Variants in ACSM6 observed in about 807,000 individuals in gnomAD.
The protein encoded by ACSM6 is acyl-coenzyme A synthetase ACSM6, mitochondrial.
ACSM6 carries 35 observed loss-of-function variants against 51.1 expected under a neutral mutation model. The ratio of observed to expected loss-of-function variants is 0.69; its 90% CI spans 0.52 to 0.91. The LOEUF (loss-of-function observed/expected upper bound fraction) is 0.91, where lower values mean the gene tolerates loss of function less well. ACSM6 is among the 40% of genes least tolerant of loss of function. ACSM6 has a pLI of 0.00. For missense variants in ACSM6, 509 were observed against 584.1 expected (o/e 0.87, Z 1.32); for synonymous variants, 172 against 207.3 (o/e 0.83, Z 1.46).
At chr10:95,195,952 T>G (rs574644618) in intron 2 of ACSM6, among the ~76,000 whole-genome samples, 1 of 151,436 alleles carries the variant, frequency 6.6e-6, no homozygotes, top group African/African-American at 2.4e-5. Flanking sequence ...CTGAAGGACT[T>G]TGGGGTGCTT....
intron 2 of ACSM6, 65 bp from the exon 3 acceptor site, chr10:95,201,920 A>G: frequency 7.1e-7 from 1 of 1,408,994 alleles, no homozygotes; most frequent in Non-Finnish European, 9.8e-7. Context: ...GTCTGGCAAC[A>G]GTGGCCTCCC....
chr10:95,194,664 C>A (rs866983928), exon 2 of ACSM6: 1 of 1,551,662 alleles, frequency 6.4e-7, no homozygotes, highest in African/African-American at 1.4e-5. Flanking sequence ...GATCAGTGGT[C>A]CCAGCTGGAA....
chr10:95,205,839 A>G lies in ACSM6; in HGVS notation c.404-1369A>G, dbSNP rs115620823. Among the ~76,000 whole-genome samples, 504 of 152,268 alleles carry G rather than the reference A, an allele frequency of 3.3e-3. 5 individuals are homozygous for G. The highest frequency in any genetic ancestry group is 0.011 in the African/African-American group (473 of 41,548). ...CCCACAATTGCACGGTTTCATATAT[A>G]TATACTCAATGCTAAAGGGTAACTT... is the stretch of plus-strand genomic sequence containing the variant. On this transcript the variant is annotated intron_variant, in intron 3 of 10. Coordinates refer to ENST00000341686, the Ensembl canonical transcript of ACSM6.
chr10:95,215,078 G>C (rs1360900288), intron 8 of ACSM6, 103 bp downstream of exon 8: 6 of 1,346,794 alleles, frequency 4.5e-6, no homozygotes, highest in Non-Finnish European at 4.0e-6. Context: ...ATGCACAACT[G>C]GATCTTAAGC....
chr10:95,207,316 T>C (rs750231601), exon 4 of ACSM6: 22 of 1,614,020 alleles, frequency 1.4e-5, no homozygotes, highest in Non-Finnish European at 1.9e-5. Flanking sequence ...ATGGCCCCAG[T>C]TGTAAACTCT....
chr10:95,198,602 G>C (rs994814837), intron 2 of ACSM6, among the ~76,000 whole-genome samples: 3 of 150,052 alleles, frequency 2.0e-5, no homozygotes, highest in Admixed American at 2.0e-4. Flanking sequence ...AGTGAGCTGA[G>C]ATCATGCCAC....
chr10:95,215,091 A>G, intron 8 of ACSM6, 116 bp downstream of exon 8: 1 of 1,257,862 alleles, frequency 8.0e-7, no homozygotes, highest in Non-Finnish European at 1.1e-6. Flanking sequence ...TCTTAAGCAC[A>G]GGAAGAGGAA....
intron 8 of ACSM6, among the ~76,000 whole-genome samples, chr10:95,215,667 G>A (rs1474093594): frequency 6.6e-6 from 1 of 152,236 alleles, no homozygotes; most frequent in Non-Finnish European, 1.5e-5. Flanking sequence ...TGTCAATGGA[G>A]CTGGAAGGAC....
chr10:95,215,461 T>A (rs2034935047), intron 8 of ACSM6, among the ~76,000 whole-genome samples: 2 of 152,120 alleles, frequency 1.3e-5, no homozygotes, highest in African/African-American at 4.8e-5. Context: ...AAAACACAGA[T>A]GAAAAGCATG....
At chr10:95,228,747 T>C (rs550316193) in exon 11 of ACSM6, 4 of 1,551,470 alleles carry the variant, frequency 2.6e-6, no homozygotes. Context: ...TCTGGTAGAG[T>C]TGATGATGTT....
chr10:95,215,325 GAAGA>G (rs1387112277), intron 8 of ACSM6, among the ~76,000 whole-genome samples: 1 of 152,164 alleles, frequency 6.6e-6, no homozygotes, highest in Non-Finnish European at 1.5e-5. Flanking sequence ...GCTGAAAATG[GAAGA>G]AAGAGTAGAT....
chr10:95,217,779 G>A (rs1475781591), intron 8 of ACSM6, among the ~76,000 whole-genome samples: 1 of 152,240 alleles, frequency 6.6e-6, no homozygotes, highest in Non-Finnish European at 1.5e-5. Context: ...GTGGAGCTAT[G>A]TAGTTCCATA....
chr10:95,212,951 A>T lies in ACSM6; in HGVS notation c.995+11A>T, dbSNP rs938400475. 1.3e-6 allele frequency: 2 copies of T among 1,592,612 alleles called. No individual in the cohort carries two copies. Among genetic ancestry groups the T allele is most frequent in the Admixed American group, 1.7e-5 (1 of 59,984 alleles). ...CAAGTGTTTCACCAGGTAAGAGAGG[A>T]TCCCTCAGGAGAGAGTCCATTTCCA... is the stretch of plus-strand genomic sequence containing the variant. On this transcript the variant is annotated intron_variant, in intron 7 of 10. Coordinates refer to ENST00000341686, the Ensembl canonical transcript of ACSM6.
chr10:95,220,487 T>A (rs2034986412), intron 9 of ACSM6, among the ~76,000 whole-genome samples: 1 of 152,212 alleles, frequency 6.6e-6, no homozygotes, highest in African/African-American at 2.4e-5. Flanking sequence ...TCTAGGATTT[T>A]ATTACATAAA....
chr10:95,216,507 G>A (rs935256546), intron 8 of ACSM6, among the ~76,000 whole-genome samples: 1 of 152,162 alleles, frequency 6.6e-6, no homozygotes, highest in Non-Finnish European at 1.5e-5. Context: ...TGAACCTCAT[G>A]CTGAAGGCCT....
rs1302994243 is a variant in ACSM6, at chr10:95,205,250, T to C, written c.404-1958T>C. On this transcript the variant is annotated intron_variant, in intron 3 of 10. Transcript: ENST00000341686. ...TTTCTTAAACCACCACAAAAGAAAT[T>C]TGAACACTGCCTTAGTCTGCTTGGG... Among the ~76,000 whole-genome samples the C allele has an allele frequency of 4.6e-5, 7 of 152,058 alleles. No individual in the cohort carries two copies. In the East Asian group the frequency reaches 1.2e-3, roughly 25 times the overall value.
intron 10 of ACSM6, among the ~76,000 whole-genome samples, chr10:95,227,565 T>C (rs2035050525): frequency 6.6e-6 from 1 of 152,210 alleles, no homozygotes; most frequent in African/African-American, 2.4e-5. Context: ...ACACTGAGAC[T>C]TTAAAATCAT....
rs1489640423 is a variant in ACSM6, at chr10:95,219,974, A to G, written c.1200+3A>G. The G allele has an allele frequency of 6.3e-7, 1 of 1,592,946 alleles. No individual in the cohort carries two copies. Among genetic ancestry groups the G allele is most frequent in the East Asian group, 2.2e-5 (1 of 44,758 alleles). On this transcript the variant is annotated splice_donor_region_variant and intron_variant, in intron 9 of 10. Transcript: ENST00000341686. Reference sequence around the variant, plus strand: ...CATTGCCACCTTATATTGTCCAGGTAGGAGATCATAGTAATGATTATGACA... The same window carrying G: ...CATTGCCACCTTATATTGTCCAGGTGGGAGATCATAGTAATGATTATGACA...
intron 4 of ACSM6, 69 bp from the exon 5 acceptor site, chr10:95,210,581 C>A: frequency 2.0e-6 from 3 of 1,478,708 alleles, no homozygotes; most frequent in Non-Finnish European, 2.7e-6. Flanking sequence ...ATTACCAAAC[C>A]CAGGGCCTAG....
Sources: gnomAD v4.1 joint callset for allele counts (sites outside exome capture counted in the v4.1 genomes callset) on GRCh38, gnomAD v4.1.1 for gene constraint, MANE v1.5 for transcripts, NCBI Gene and HGNC (gene_info 2026-07-23, HGNC 2026-07-21) for gene names.